ACVR1: variants seen among roughly 807,000 people sequenced by gnomAD.
The protein encoded by ACVR1 is activin A receptor type 1, also known as activin receptor type-1.
In ACVR1, 38 loss-of-function variants were observed where a neutral mutation model predicts 57.1. The observed-to-expected ratio is 0.67, with a 90% CI of 0.51 to 0.87. The LOEUF (loss-of-function observed/expected upper bound fraction) is 0.87, where lower values mean the gene tolerates loss of function less well. ACVR1 is among the 40% of genes least tolerant of loss of function. ACVR1 has a pLI of 0.00. For missense variants in ACVR1, 463 were observed against 638.2 expected (o/e 0.73, Z 2.96); for synonymous variants, 212 against 228.1 (o/e 0.93, Z 0.63).
chr2:157,855,334 ACACAC>A, intron 1 of ACVR1, among the ~76,000 whole-genome samples: 1 of 143,146 alleles, frequency 7.0e-6, no homozygotes, highest in African/African-American at 2.6e-5. Context: ...ACACACACAC[ACACAC>A]ACACACAAAA....
intron 9 of ACVR1, among the ~76,000 whole-genome samples, chr2:157,746,538 T>C (rs1684972451): frequency 2.0e-5 from 3 of 152,374 alleles, no homozygotes; most frequent in African/African-American, 2.4e-5. Flanking sequence ...ATCATGCTAA[T>C]GTATCCAACC....
chr2:157,832,756 A>G (rs1272621092), intron 1 of ACVR1, among the ~76,000 whole-genome samples: 1 of 152,198 alleles, frequency 6.6e-6, no homozygotes, highest in Non-Finnish European at 1.5e-5. Context: ...AACATAAAAC[A>G]TGCCTGAATT....
intron 1 of ACVR1, among the ~76,000 whole-genome samples, chr2:157,865,510 G>T (rs1347327583): frequency 2.0e-5 from 3 of 152,196 alleles, no homozygotes; most frequent in African/African-American, 7.2e-5. Context: ...CAGACAGATA[G>T]GCAGGGCGCG....
chr2:157,771,482 C>A (rs945894634), intron 6 of ACVR1, among the ~76,000 whole-genome samples: 6 of 152,110 alleles, frequency 3.9e-5, no homozygotes, highest in African/African-American at 1.2e-4. Context: ...CTATGAGGAT[C>A]AACAAGGGGT....
chr2:157,747,059 A>G (rs1574012104), intron 9 of ACVR1, among the ~76,000 whole-genome samples: 1 of 152,198 alleles, frequency 6.6e-6, no homozygotes, highest in East Asian at 1.9e-4. Flanking sequence ...CTGGTCATCA[A>G]TTTTTATAAT....
chr2:157,848,978 A>G (rs1261682281), intron 1 of ACVR1, among the ~76,000 whole-genome samples: 3 of 152,204 alleles, frequency 2.0e-5, no homozygotes, highest in East Asian at 1.9e-4. Flanking sequence ...AAGATAATCT[A>G]GAATAATCTG....
rs1490820984 is a variant in ACVR1, at chr2:157,875,863, G to T, written c.-250C>A. 1.3e-5 allele frequency: 2 copies of T among 148,622 alleles called. No homozygotes were observed. Among genetic ancestry groups the T allele is most frequent in the African/African-American group, 4.9e-5 (2 of 40,894 alleles). 9.2% of individuals were successfully genotyped at this position (148,622 alleles called of 1,614,324 possible). ...AGTGCGAGGCAGCCGGGCGCTGCAG[G>T]TCGGCGCGGCGCGGGGCGGCGCGGG... On this transcript the variant is annotated 5_prime_UTR_variant, in exon 1 of 11. Coordinates refer to ENST00000434821, the MANE Select transcript of ACVR1 (RefSeq NM_001111067.4).
intron 1 of ACVR1, among the ~76,000 whole-genome samples, chr2:157,835,910 T>C (rs1574129725): frequency 6.6e-6 from 1 of 152,238 alleles, no homozygotes; most frequent in South Asian, 2.1e-4. Context: ...TTTAATTTAA[T>C]ATACTCTACT....
chr2:157,868,564 C>A (rs1323891930), intron 1 of ACVR1, among the ~76,000 whole-genome samples: 1 of 152,086 alleles, frequency 6.6e-6, no homozygotes, highest in Non-Finnish European at 1.5e-5. Context: ...TATTTACTTG[C>A]CCCATTCTCT....
intron 3 of ACVR1, among the ~76,000 whole-genome samples, chr2:157,787,034 A>G (rs1326014515): frequency 6.7e-6 from 1 of 149,808 alleles, no homozygotes; most frequent in Non-Finnish European, 1.5e-5. Flanking sequence ...GAAGCTGAGA[A>G]AAAAAAAAAA....
At chr2:157,750,243 G>C (rs1345146864) in intron 9 of ACVR1, among the ~76,000 whole-genome samples, 2 of 152,186 alleles carry the variant, frequency 1.3e-5, no homozygotes, top group Non-Finnish European at 2.9e-5. Flanking sequence ...GAAGCCTGAT[G>C]ATGAGCCTGT....
chr2:157,827,552 G>C (rs1309830076), intron 1 of ACVR1, among the ~76,000 whole-genome samples: 1 of 152,128 alleles, frequency 6.6e-6, no homozygotes. Flanking sequence ...AAGAAAAATA[G>C]TCTCTTACTT....
At chr2:157,865,862 A>AGATAGATAGATAGATT (rs1457935943) in intron 1 of ACVR1, among the ~76,000 whole-genome samples, 1 of 149,842 alleles carries the variant, frequency 6.7e-6, no homozygotes, top group Non-Finnish European at 1.5e-5. Context: ...ATAGATAGAT[A>AGATAGATAGATAGATT]GATTGACTGA....
At chr2:157,760,557 A>G (rs1685606743) in intron 9 of ACVR1, among the ~76,000 whole-genome samples, 1 of 152,228 alleles carries the variant, frequency 6.6e-6, no homozygotes, top group South Asian at 2.1e-4. Context: ...AAAATATCAC[A>G]TGTACCCCAT....
intron 5 of ACVR1, among the ~76,000 whole-genome samples, chr2:157,776,986 CT>C (rs1686313661): frequency 2.6e-5 from 4 of 152,166 alleles, no homozygotes; most frequent in Non-Finnish European, 5.9e-5. Context: ...ATTGGCATGT[CT>C]CTTGCACTCA....
intron 2 of ACVR1, among the ~76,000 whole-genome samples, chr2:157,808,283 A>G (rs1003662279): frequency 4.6e-5 from 7 of 152,212 alleles, no homozygotes; most frequent in Admixed American, 6.5e-5. Context: ...GGCACCTACC[A>G]GGTGCACAAT....
intron 6 of ACVR1, among the ~76,000 whole-genome samples, chr2:157,772,175 T>C (rs1176558204): frequency 6.6e-6 from 1 of 152,222 alleles, no homozygotes; most frequent in Non-Finnish European, 1.5e-5. Flanking sequence ...TTTTAAGTTG[T>C]TAAATGCTTT....
intron 9 of ACVR1, among the ~76,000 whole-genome samples, chr2:157,743,515 T>TTA (rs552890621): frequency 5.7e-4 from 86 of 152,196 alleles, no homozygotes; most frequent in African/African-American, 1.9e-3. Context: ...TAAATGTTGA[T>TTA]TATATATGTC....
chr2:157,793,913 A>C lies in ACVR1; in HGVS notation c.67+5514T>G, dbSNP rs189488415. Among the ~76,000 whole-genome samples, 552 of 152,300 alleles carry C rather than the reference A, an allele frequency of 3.6e-3. 3 individuals are homozygous for C. The highest frequency in any genetic ancestry group is 0.012 in the African/African-American group (494 of 41,566). ...AAAGTCTGAGTAGTGATGGCTTTGT[A>C]AATACTAAAATCAAGATAACTCAGA... On this transcript the variant is annotated intron_variant, in intron 3 of 10. Coordinates refer to ENST00000434821, the MANE Select transcript of ACVR1 (RefSeq NM_001111067.4).
Sources: allele counts gnomAD v4.1 joint callset (sites outside exome capture counted in the v4.1 genomes callset), GRCh38; gene constraint gnomAD v4.1.1; transcripts MANE v1.5; gene names NCBI Gene and HGNC (gene_info 2026-07-23, HGNC 2026-07-21).